Variants in TMEM108 observed in about 807,000 individuals in gnomAD.
The protein encoded by TMEM108 is transmembrane protein 108.
TMEM108 carries 12 observed loss-of-function variants against 35.1 expected under a neutral mutation model. That is an observed-to-expected ratio of 0.34 (90% CI 0.22 to 0.55). The LOEUF is 0.55. Ranked by LOEUF, TMEM108 falls within the 20% of genes least tolerant of loss-of-function variation. The pLI is 0.89. For missense variants in TMEM108, 680 were observed against 753.3 expected, an observed-to-expected ratio of 0.90 and a Z score of 1.14; for synonymous variants, 287 against 308.6, an observed-to-expected ratio of 0.93 and a Z score of 0.73.
At chr3:133,347,766 C>G (rs1183957132) in intron 3 of TMEM108, among the ~76,000 whole-genome samples, 2 of 151,980 alleles carry the variant, frequency 1.3e-5, no homozygotes, top group Non-Finnish European at 2.9e-5. Context: ...AATACTTCCC[C>G]TATATAGCAG....
At chr3:133,150,739 T>A (rs1944787607) in intron 2 of TMEM108, among the ~76,000 whole-genome samples, 1 of 152,032 alleles carries the variant, frequency 6.6e-6, no homozygotes, top group Admixed American at 6.6e-5. Context: ...TAAACTGAGG[T>A]GAGATCAGAG....
intron 2 of TMEM108, among the ~76,000 whole-genome samples, chr3:133,102,774 A>T (rs993192028): frequency 2.0e-5 from 3 of 152,228 alleles, no homozygotes; most frequent in Non-Finnish European, 4.4e-5. Flanking sequence ...CACTTTCTCA[A>T]TAGCTGTTAT....
rs111877326 is a variant in TMEM108, at chr3:133,170,664, A to G, written c.-46-58602A>G. Among the ~76,000 whole-genome samples, 184 of 152,350 alleles carry G rather than the reference A, an allele frequency of 1.2e-3. 3 individuals are homozygous for G. The highest frequency in any genetic ancestry group is 4.3e-3 in the African/African-American group (180 of 41,580). On this transcript the variant is annotated intron_variant, in intron 2 of 5. Coordinates refer to ENST00000321871, the MANE Select transcript of TMEM108 (RefSeq NM_023943.4). ...AACAAAGGAATGGTCAAAATATTAA[A>G]GTCAGAGTTTTAAAAAGATCAAAAT... is the stretch of plus-strand genomic sequence containing the variant.
At chr3:133,111,698 C>T (rs1005496914) in intron 2 of TMEM108, among the ~76,000 whole-genome samples, 1 of 152,110 alleles carries the variant, frequency 6.6e-6, no homozygotes, top group African/African-American at 2.4e-5. Flanking sequence ...TACATGTAGA[C>T]CCCCAACTGT....
chr3:133,065,297 C>G (rs1315551778), intron 2 of TMEM108, among the ~76,000 whole-genome samples: 1 of 152,002 alleles, frequency 6.6e-6, no homozygotes, highest in East Asian at 1.9e-4. Context: ...CACACACACA[C>G]ACACACGCAC....
intron 2 of TMEM108, among the ~76,000 whole-genome samples, chr3:133,201,383 G>A (rs1945663381): frequency 6.6e-6 from 1 of 152,070 alleles, no homozygotes; most frequent in Non-Finnish European, 1.5e-5. Flanking sequence ...GTGCCATGGT[G>A]GTTTGCTGCA....
At chr3:133,375,571 G>C in intron 3 of TMEM108, among the ~76,000 whole-genome samples, 1 of 152,188 alleles carries the variant, frequency 6.6e-6, no homozygotes, top group South Asian at 2.1e-4. Flanking sequence ...ATGAAAATTT[G>C]CATGTGTTAG....
chr3:133,107,470 G>A (rs1944167460), intron 2 of TMEM108, among the ~76,000 whole-genome samples: 1 of 142,938 alleles, frequency 7.0e-6, no homozygotes, highest in South Asian at 2.1e-4. Flanking sequence ...GTGTGTGTGT[G>A]TGTGTGTGTG....
chr3:133,261,677 A>C (rs1024770654), intron 3 of TMEM108, among the ~76,000 whole-genome samples: 1 of 152,232 alleles, frequency 6.6e-6, no homozygotes, highest in Non-Finnish European at 1.5e-5. Context: ...TGTTAATTCC[A>C]ATAAACGTTG....
chr3:133,186,258 G>T (rs1414218164), intron 2 of TMEM108, among the ~76,000 whole-genome samples: 4 of 152,166 alleles, frequency 2.6e-5, no homozygotes, highest in Non-Finnish European at 5.9e-5. Flanking sequence ...ATTACTATTT[G>T]TGATGAATTT....
chr3:133,371,632 A>C (rs1046463420), intron 3 of TMEM108, among the ~76,000 whole-genome samples: 1 of 150,606 alleles, frequency 6.6e-6, no homozygotes, highest in Non-Finnish European at 1.5e-5. Context: ...AAAAAAAAAA[A>C]AAAAAAACCC....
In TMEM108 at chr3:133,374,371, A is replaced by G. The variant is rs552651038; in HGVS notation, c.41-5381A>G. Among the ~76,000 whole-genome samples, 3 of 152,318 alleles carry G rather than the reference A, an allele frequency of 2.0e-5. No homozygotes were observed. In the South Asian group the frequency reaches 6.2e-4, roughly 32 times the overall value. Reference sequence around the variant, plus strand: ...AGCAATGCACAAAATATCTTGCAGTAGAAAACCTAGTTTAATGGGGAAGGA... The same window carrying G: ...AGCAATGCACAAAATATCTTGCAGTGGAAAACCTAGTTTAATGGGGAAGGA... On this transcript the variant is annotated intron_variant, in intron 3 of 5. Transcript: ENST00000321871.
chr3:133,102,210 G>A (rs180837840), intron 2 of TMEM108, among the ~76,000 whole-genome samples: 11 of 152,334 alleles, frequency 7.2e-5, no homozygotes, highest in Middle Eastern at 3.4e-3. Flanking sequence ...CAGGCTGAGA[G>A]CACTTGACTT....
chr3:133,060,432 ACTT>A (rs911132737), intron 2 of TMEM108, among the ~76,000 whole-genome samples: 2 of 152,048 alleles, frequency 1.3e-5, no homozygotes, highest in African/African-American at 2.4e-5. Flanking sequence ...TGCTGAGAAA[ACTT>A]CATTGTTCAA....
chr3:133,130,801 A>T (rs911789017), intron 2 of TMEM108, among the ~76,000 whole-genome samples: 2 of 152,200 alleles, frequency 1.3e-5, no homozygotes, highest in African/African-American at 2.4e-5. Context: ...CCCAAACCAG[A>T]TGCATCTCTG....
rs150410820 is a variant in TMEM108, at chr3:133,394,553, G to A, written c.1606-1311G>A. ...TAATGCAGCAAAACATACCCACATG[G>A]TTTTGCCTTTGGTGAAGACTTGCTT... On this transcript the variant is annotated intron_variant, in intron 5 of 5. Transcript: ENST00000321871. 5.9e-5 allele frequency among the ~76,000 whole-genome samples: 9 copies of A among 152,124 alleles called. No individual in the cohort carries two copies. The East Asian group carries it at 1.5e-3, about 26-fold the overall frequency.
chr3:133,047,779 C>T (rs1025463520), intron 2 of TMEM108, among the ~76,000 whole-genome samples: 2 of 152,132 alleles, frequency 1.3e-5, no homozygotes, highest in Non-Finnish European at 2.9e-5. Context: ...CATTTTGTTT[C>T]ACTTTCCCTA....
intron 2 of TMEM108, among the ~76,000 whole-genome samples, chr3:133,188,992 G>A (rs1401709771): frequency 6.6e-6 from 1 of 152,312 alleles, no homozygotes; most frequent in Middle Eastern, 3.4e-3. Context: ...GTGGGTGGGT[G>A]TGGATCCAGG....
chr3:133,243,710 A>C (rs2107662462), intron 3 of TMEM108, among the ~76,000 whole-genome samples: 2 of 152,182 alleles, frequency 1.3e-5, no homozygotes, highest in South Asian at 4.1e-4. Flanking sequence ...TTTTTAGTAG[A>C]GACGGGGTTT....
Sources: allele counts gnomAD v4.1 joint callset (sites outside exome capture counted in the v4.1 genomes callset), GRCh38; gene constraint gnomAD v4.1.1; transcripts MANE v1.5; gene names NCBI Gene and HGNC (gene_info 2026-07-23, HGNC 2026-07-21).